Variants in PDZRN4 observed in about 807,000 individuals in gnomAD.
PDZRN4 encodes PDZ domain containing ring finger 4, also known as PDZ domain-containing RING finger protein 4.
Under a neutral mutation model 99.0 loss-of-function variants are expected in PDZRN4, and 70 were observed. That is an observed-to-expected ratio of 0.71 (90% confidence interval 0.58 to 0.86). PDZRN4 has a LOEUF of 0.86. Ranked by LOEUF, PDZRN4 falls within the 40% of genes least tolerant of loss-of-function variation. The probability of loss-of-function intolerance (pLI) is 0.00; values close to 1 mark genes in which losing one functional copy is unlikely to be tolerated. For synonymous variants in PDZRN4, 551 were observed against 501.6 expected, an observed-to-expected ratio of 1.10 and a Z score of -1.32; for missense variants, 1,474 against 1,331.2, an observed-to-expected ratio of 1.11 and a Z score of -1.67.
chr12:41,241,144 G>C (rs1470711599), intron 3 of PDZRN4, among the ~76,000 whole-genome samples: 1 of 151,452 alleles, frequency 6.6e-6, no homozygotes, highest in Non-Finnish European at 1.5e-5. Context: ...AATATATTTT[G>C]GAATATACCT....
At chr12:41,261,811 T>G (rs773363391) in intron 3 of PDZRN4, among the ~76,000 whole-genome samples, 9 of 152,176 alleles carry the variant, frequency 5.9e-5, no homozygotes, top group Non-Finnish European at 1.3e-4. Context: ...ATTTCTCTTT[T>G]TATTGTTTTG....
At chr12:41,315,756 T>A (rs1214687891) in intron 3 of PDZRN4, among the ~76,000 whole-genome samples, 1 of 152,150 alleles carries the variant, frequency 6.6e-6, no homozygotes, top group Non-Finnish European at 1.5e-5. Context: ...CCTGCCCTTA[T>A]CCTAATTTAT....
At chr12:41,448,658 T>C (rs1317223056) in intron 3 of PDZRN4, among the ~76,000 whole-genome samples, 1 of 152,180 alleles carries the variant, frequency 6.6e-6, no homozygotes, top group Admixed American at 6.5e-5. Context: ...TTGTCTCCAG[T>C]ATTCACTGAG....
intron 3 of PDZRN4, among the ~76,000 whole-genome samples, chr12:41,462,929 A>T (rs924555009): frequency 6.6e-6 from 1 of 152,194 alleles, no homozygotes; most frequent in Non-Finnish European, 1.5e-5. Flanking sequence ...CTCTTGGTGC[A>T]TCTTGGCTTC....
chr12:41,496,499 T>C (rs1938007145), intron 3 of PDZRN4, among the ~76,000 whole-genome samples: 2 of 152,110 alleles, frequency 1.3e-5, no homozygotes, highest in African/African-American at 4.8e-5. Context: ...CAAAACTGTG[T>C]TTAGGCCCAG....
chr12:41,189,035 G>T lies in PDZRN4; in HGVS notation c.580G>T (p.Glu194Ter). The T allele has an allele frequency of 6.4e-7, 1 of 1,572,170 alleles. No homozygotes were observed. Among genetic ancestry groups the T allele is most frequent in the Non-Finnish European group, 8.6e-7 (1 of 1,167,366 alleles). The change falls in exon 1 of 10, where the codon GAG becomes TAG. Residue 194 changes from glutamate to a stop codon, truncating the protein, a stop_gained. Coordinates refer to ENST00000402685, the MANE Select transcript of PDZRN4 (RefSeq NM_001164595.2). LOFTEE classifies it high-confidence loss of function. ...GCAGCTCACGGCGCGCAGGTACCAG[G>T]AGAAGTTCACCCAATACATGGCTCA... is the stretch of plus-strand genomic sequence containing the variant. ...EVQLTARRYQEKFTQYMAHVR... is the reference protein window; with the variant it reads ...EVQLTARRYQ
At chr12:41,252,139 A>T (rs951584051) in intron 3 of PDZRN4, among the ~76,000 whole-genome samples, 1 of 150,010 alleles carries the variant, frequency 6.7e-6, no homozygotes, top group Non-Finnish European at 1.5e-5. Flanking sequence ...AATAAATAAT[A>T]AAATGAAGTA....
intron 3 of PDZRN4, among the ~76,000 whole-genome samples, chr12:41,307,752 T>G (rs1009733044): frequency 1.3e-5 from 2 of 152,166 alleles, no homozygotes; most frequent in Admixed American, 1.3e-4. Context: ...TGATTACATA[T>G]GAAAACATAT....
chr12:41,311,091 G>A (rs1317028205), intron 3 of PDZRN4, among the ~76,000 whole-genome samples: 2 of 151,988 alleles, frequency 1.3e-5, no homozygotes, highest in East Asian at 3.9e-4. Flanking sequence ...ATAGATGAAA[G>A]CATTAAATAA....
At chr12:41,336,998 A>T (rs756491440) in intron 3 of PDZRN4, among the ~76,000 whole-genome samples, 21 of 152,090 alleles carry the variant, frequency 1.4e-4, no homozygotes, top group Non-Finnish European at 2.6e-4. Flanking sequence ...TGACCCCTAA[A>T]CTGTAATTTC....
intron 3 of PDZRN4, among the ~76,000 whole-genome samples, chr12:41,338,456 C>T (rs2121009227): frequency 6.6e-6 from 1 of 151,696 alleles, no homozygotes; most frequent in East Asian, 1.9e-4. Context: ...AAAAATAAAT[C>T]TCAGAGATGA....
intron 6 of PDZRN4, among the ~76,000 whole-genome samples, chr12:41,553,203 A>G (rs535863480): frequency 2.0e-5 from 3 of 152,324 alleles, no homozygotes; most frequent in South Asian, 4.1e-4. Flanking sequence ...TGAATACCCA[A>G]TGAGTGCATC....
At chr12:41,550,149 CCAAAGT>C (rs1422338407) in intron 5 of PDZRN4, among the ~76,000 whole-genome samples, 2 of 152,028 alleles carry the variant, frequency 1.3e-5, no homozygotes, top group African/African-American at 4.8e-5. Context: ...TAAGCAAACA[CCAAAGT>C]CAAAGTACAC....
At chr12:41,280,879 C>T (rs891909989) in intron 3 of PDZRN4, among the ~76,000 whole-genome samples, 1 of 152,190 alleles carries the variant, frequency 6.6e-6, no homozygotes, top group African/African-American at 2.4e-5. Flanking sequence ...GACAGACTGC[C>T]TCCTCAAGTG....
At chr12:41,301,059 C>T (rs928869862) in intron 3 of PDZRN4, among the ~76,000 whole-genome samples, 2 of 151,796 alleles carry the variant, frequency 1.3e-5, no homozygotes, top group Non-Finnish European at 2.9e-5. Context: ...AAATGTTGAC[C>T]TTATTTTTGA....
chr12:41,289,628 T>C (rs1951444056), intron 3 of PDZRN4, among the ~76,000 whole-genome samples: 1 of 151,772 alleles, frequency 6.6e-6, no homozygotes, highest in East Asian at 1.9e-4. Flanking sequence ...AGTAAATATG[T>C]AACCAGTGCA....
chr12:41,352,311 A>T (rs952883803), intron 3 of PDZRN4, among the ~76,000 whole-genome samples: 6 of 152,154 alleles, frequency 3.9e-5, no homozygotes. Flanking sequence ...CAGACTGTCA[A>T]GAAAGTGCTT....
In PDZRN4 at chr12:41,206,162, G is replaced by C. The variant is rs142659672; in HGVS notation, c.843+11974G>C. ...CTCTGAACATTCTTGTTTTGTGGACGTATGCATGTATTTATGATACACACA... is the reference window on the plus strand; with the variant it reads ...CTCTGAACATTCTTGTTTTGTGGACCTATGCATGTATTTATGATACACACA... On this transcript the variant is annotated intron_variant, in intron 3 of 9. Coordinates refer to ENST00000402685, the MANE Select transcript of PDZRN4 (RefSeq NM_001164595.2). Among the ~76,000 whole-genome samples the C allele has an allele frequency of 5.8e-4, 88 of 152,068 alleles. 1 individual carries two copies. Among genetic ancestry groups the C allele is most frequent in the African/African-American group, 2.0e-3 (82 of 41,536 alleles).
chr12:41,225,972 C>G (rs1450695547), intron 3 of PDZRN4, among the ~76,000 whole-genome samples: 2 of 151,970 alleles, frequency 1.3e-5, no homozygotes, highest in African/African-American at 4.8e-5. Context: ...TCCTGCTATT[C>G]TTACCTCTCC....
Sources: allele counts gnomAD v4.1 joint callset (sites outside exome capture counted in the v4.1 genomes callset), GRCh38; gene constraint gnomAD v4.1.1; transcripts MANE v1.5; gene names NCBI Gene and HGNC (gene_info 2026-07-23, HGNC 2026-07-21).